The following P2RX3 variants were observed in gnomAD, a reference collection of about 807,000 sequenced individuals.
P2RX3 encodes P2X purinoceptor 3.
A neutral mutation model predicts 51.5 loss-of-function variants in P2RX3; 41 were observed. That is an observed-to-expected ratio of 0.80 (90% CI 0.62 to 1.03). The LOEUF (loss-of-function observed/expected upper bound fraction) is 1.03, where lower values mean the gene tolerates loss of function less well. Among genes scored for constraint, P2RX3 ranks in the 50% least tolerant of loss-of-function variants. The pLI is 0.00. For synonymous variants in P2RX3, 185 were observed against 191.6 expected (o/e 0.97, Z 0.29); for missense variants, 459 against 522.1 (o/e 0.88, Z 1.18).
chr11:57,356,177 G>A (rs1856627196), intron 8 of P2RX3, among the ~76,000 whole-genome samples: 2 of 152,104 alleles, frequency 1.3e-5, no homozygotes, highest in Admixed American at 6.5e-5. Context: ...TTCAAAACTT[G>A]CCTGAGATTA....
At chr11:57,353,837 T>TCCCCCCCCCC (rs3837409) in intron 8 of P2RX3, among the ~76,000 whole-genome samples, 4 of 120,908 alleles carry the variant, frequency 3.3e-5, no homozygotes, top group African/African-American at 1.1e-4. Flanking sequence ...CAAATGTCAC[T>TCCCCCCCCCC]CCCCCCCCCC....
intron 7 of P2RX3, 70 bp from the exon 8 acceptor site, chr11:57,350,692 A>T: frequency 7.9e-7 from 1 of 1,268,804 alleles, no homozygotes; most frequent in Non-Finnish European, 1.1e-6. Context: ...CCTCCACCCC[A>T]CCCCCACCCT....
intron 8 of P2RX3, among the ~76,000 whole-genome samples, chr11:57,355,896 A>G (rs10792092): frequency 0.99 from 150,203 of 152,336 alleles, 74,096 homozygotes; most frequent in East Asian, 1. Context: ...CAGGTGTGGA[A>G]GCTCCTGCCT....
rs930722293 is a variant in P2RX3, at chr11:57,338,400, G to C, written c.-151G>C. The C allele has an allele frequency of 1.9e-6, 1 of 528,532 alleles. No individual in the cohort carries two copies. The highest frequency in any genetic ancestry group is 3.3e-5 in the South Asian group (1 of 30,656). 32.7% of individuals were successfully genotyped at this position (528,532 alleles called of 1,614,324 possible). A position where few individuals can be genotyped will look rare whatever the true frequency, so the allele number is the denominator to read the frequency against. ...AAGAGCAGAGAATCTCACTAGGATT[G>C]CATGGCTTAAAGGGACAGGCTCCCC... On this transcript the variant is annotated 5_prime_UTR_variant, in exon 1 of 12. Coordinates refer to ENST00000263314, the MANE Select transcript of P2RX3 (RefSeq NM_002559.5).
intron 1 of P2RX3, among the ~76,000 whole-genome samples, chr11:57,342,844 A>G (rs1856366776): frequency 6.8e-6 from 1 of 147,960 alleles, no homozygotes; most frequent in African/African-American, 2.5e-5. Flanking sequence ...CACAGCGTGC[A>G]CTCTTCACAC....
intron 8 of P2RX3, among the ~76,000 whole-genome samples, chr11:57,351,347 T>C (rs1856545277): frequency 6.6e-6 from 1 of 152,250 alleles, no homozygotes; most frequent in African/African-American, 2.4e-5. Context: ...ATGGCAACTT[T>C]GCATTTCTCT....
intron 8 of P2RX3, among the ~76,000 whole-genome samples, chr11:57,366,035 G>T (rs1856792390): frequency 6.6e-6 from 1 of 152,174 alleles, no homozygotes; most frequent in South Asian, 2.1e-4. Context: ...GAACAATGTG[G>T]ACCCCACACG....
At chr11:57,345,081 C>G (rs1856407781) in intron 1 of P2RX3, among the ~76,000 whole-genome samples, 2 of 152,248 alleles carry the variant, frequency 1.3e-5, no homozygotes, top group Admixed American at 1.3e-4. Context: ...CTTTCCGCAG[C>G]AGGCGGTTCT....
chr11:57,338,656 T>A lies in P2RX3; in HGVS notation c.106T>A (p.Ser36Thr). The A allele has an allele frequency of 1.3e-6, 2 of 1,584,904 alleles. No individual in the cohort carries two copies. Among genetic ancestry groups the A allele is most frequent in the South Asian group, 2.2e-5 (2 of 89,936 alleles). Residue 36 changes from serine to threonine, a missense_variant, in exon 1 of 12, where the codon TCC (serine) becomes ACC (threonine). Coordinates refer to ENST00000263314, the MANE Select transcript of P2RX3 (RefSeq NM_002559.5). Reference sequence around the variant, plus strand: ...CCGAGTAGTTCAGCTTCTGATCATCTCCTACTTTGTAGGGTGAGTCTGTGG... The same window carrying A: ...CCGAGTAGTTCAGCTTCTGATCATCACCTACTTTGTAGGGTGAGTCTGTGG... ...INRVVQLLII[S>T]YFVGWVFLHE... is the part of the protein sequence containing the mutation.
upstream of P2RX3, among the ~76,000 whole-genome samples, chr11:57,338,196 G>A (rs188848326): frequency 3.3e-5 from 5 of 152,316 alleles, no homozygotes; most frequent in East Asian, 9.7e-4. Context: ...AACAGAAACA[G>A]TAGACAGAGT....
upstream of P2RX3, among the ~76,000 whole-genome samples, chr11:57,337,289 C>CAAA (rs36169095): frequency 1.8e-3 from 49 of 26,764 alleles, no homozygotes; most frequent in African/African-American, 7.2e-3. Context: ...GAGACTCTGT[C>CAAA]AAAAAAAAAA....
chr11:57,372,140 G>A lies in P2RX3; in HGVS notation c.*2143G>A, dbSNP rs886731575. On this transcript the variant is annotated 3_prime_UTR_variant, in exon 12 of 12. Transcript: ENST00000263314. ...TAATCACATGGACCCTCACACCAAC[G>A]CTGGTGAGTCCGCTATGGTTTGTCA... Among the ~76,000 whole-genome samples, 2 of 152,200 alleles carry A rather than the reference G, an allele frequency of 1.3e-5. No homozygotes were observed. Among genetic ancestry groups the A allele is most frequent in the African/African-American group, 4.8e-5 (2 of 41,442 alleles).
rs1856459336 is a variant in P2RX3 at position 57,347,450 on chromosome 11, G to C, written c.363G>C (p.Gln121His). ...AATACCGCTGTGTATCAGACAGCCAGTGCGGGCCTGAGCGCTTGCCAGGTG... is the reference window on the plus strand; with the variant it reads ...AATACCGCTGTGTATCAGACAGCCACTGCGGGCCTGAGCGCTTGCCAGGTG... ...EEKYRCVSDS[Q>H]CGPERLPGGG... The change falls in exon 4 of 12, where the codon CAG becomes CAC. Residue 121 changes from glutamine (Q) to histidine (H), a missense_variant. Physicochemically the swap from Gln to His is conservative, Grantham distance 24 (BLOSUM62 0). Transcript: ENST00000263314. 6.4e-7 allele frequency: 1 copy of C among 1,558,824 alleles called. No homozygotes were observed. The highest frequency in any genetic ancestry group is 8.7e-7 in the Non-Finnish European group (1 of 1,151,030).
At chr11:57,367,701 A>T (rs1392079655) in intron 8 of P2RX3, among the ~76,000 whole-genome samples, 1 of 152,188 alleles carries the variant, frequency 6.6e-6, no homozygotes, top group African/African-American at 2.4e-5. Flanking sequence ...AATGTGGGCG[A>T]CAGAATGAGA....
rs533747456 is a variant in P2RX3, at chr11:57,357,620, T to C, written c.842+6722T>C. Among the ~76,000 whole-genome samples the C allele has an allele frequency of 4.6e-5, 7 of 152,284 alleles. No homozygotes were observed. In the East Asian group the frequency reaches 1.4e-3, roughly 29 times the overall value. The stretch of plus-strand genomic sequence containing the variant: ...CATTGATCTTTCCCTACCTTATTAA[T>C]TAAAGATAAATTAATAGTAATGCAT... On this transcript the variant is annotated intron_variant, in intron 8 of 11. Coordinates refer to ENST00000263314, the MANE Select transcript of P2RX3 (RefSeq NM_002559.5).
chr11:57,350,181 G>C, intron 7 of P2RX3: 1 of 434,468 alleles, frequency 2.3e-6, no homozygotes, highest in East Asian at 4.1e-5. Context: ...TCTGTAATAA[G>C]CCCCAAACGA....
intron 8 of P2RX3, among the ~76,000 whole-genome samples, chr11:57,357,842 A>G (rs149149217): frequency 6.6e-6 from 1 of 152,344 alleles, no homozygotes; most frequent in East Asian, 1.9e-4. Flanking sequence ...AATCAACTGT[A>G]AAAGTGTATT....
intron 8 of P2RX3, among the ~76,000 whole-genome samples, chr11:57,361,584 G>C (rs1454798022): frequency 6.6e-6 from 1 of 152,132 alleles, no homozygotes; most frequent in Non-Finnish European, 1.5e-5. Context: ...GAGGATGATG[G>C]CTTCCAGCTT....
intron 3 of P2RX3, 91 bp downstream of exon 3, chr11:57,347,278 C>T: frequency 6.6e-7 from 1 of 1,505,458 alleles, no homozygotes; most frequent in South Asian, 1.2e-5. Context: ...GAGCAGAGGC[C>T]CCAAGTCTGA....
Sources: allele counts gnomAD v4.1 joint callset (sites outside exome capture counted in the v4.1 genomes callset), GRCh38; gene constraint gnomAD v4.1.1; transcripts MANE v1.5; gene names NCBI Gene and HGNC (gene_info 2026-07-23, HGNC 2026-07-21).